The following PIAS1 variants were observed in gnomAD, a reference collection of about 807,000 sequenced individuals.
PIAS1 encodes E3 SUMO-protein ligase PIAS1.
PIAS1 carries 6 observed loss-of-function variants against 71.3 expected under a neutral mutation model. That is an observed-to-expected ratio of 0.08 (90% CI 0.05 to 0.17). The LOEUF (loss-of-function observed/expected upper bound fraction) is 0.17, where lower values mean the gene tolerates loss of function less well. Among genes scored for constraint, PIAS1 ranks in the 10% least tolerant of loss-of-function variants. The pLI, the probability that PIAS1 is intolerant of heterozygous loss-of-function variation, is 1.00. For missense variants in PIAS1, 555 were observed against 793.6 expected (o/e 0.70, Z 3.61); for synonymous variants, 303 against 292.9 (o/e 1.03, Z -0.35).
At chr15:68,115,950 T>C (rs1157903138) in intron 2 of PIAS1, among the ~76,000 whole-genome samples, 2 of 152,130 alleles carry the variant, frequency 1.3e-5, no homozygotes, top group Non-Finnish European at 2.9e-5. Context: ...ATTAAGAGTG[T>C]TTGCATTTAT....
chr15:68,183,994 T>C, intron 13 of PIAS1: 1 of 173,384 alleles, frequency 5.8e-6, no homozygotes, highest in East Asian at 1.7e-4. Flanking sequence ...TTTTAGAGTG[T>C]ACCTCTACTT....
In PIAS1 at chr15:68,066,831, CATA is replaced by C. The variant is rs1455089255; in HGVS notation, c.24+12484_24+12486del. ...TATAGTATTTTGTGTCTAATTGAAT[CATA>C]ATCAGGGAAAAGAACATGAATTTTA... On this transcript the variant is annotated intron_variant, in intron 1 of 13. Coordinates refer to ENST00000249636, the MANE Select transcript of PIAS1 (RefSeq NM_016166.3). Among the ~76,000 whole-genome samples, 3 of 152,184 alleles carry C rather than the reference CATA, an allele frequency of 2.0e-5. No homozygotes were observed. The East Asian group carries it at 5.8e-4, about 29-fold the overall frequency.
At chr15:68,058,601 A>G (rs1343931598) in intron 1 of PIAS1, among the ~76,000 whole-genome samples, 3 of 152,184 alleles carry the variant, frequency 2.0e-5, no homozygotes, top group African/African-American at 7.2e-5. Context: ...CCTTTTGGAA[A>G]AGCTCTATGC....
intron 2 of PIAS1, among the ~76,000 whole-genome samples, chr15:68,101,559 C>T (rs2092427017): frequency 6.6e-6 from 1 of 152,104 alleles, no homozygotes; most frequent in Non-Finnish European, 1.5e-5. Context: ...ATCTCAAATT[C>T]CTGGGCTCGA....
intron 2 of PIAS1, among the ~76,000 whole-genome samples, chr15:68,088,174 G>GTATATATATATATA (rs1193055165): frequency 7.2e-5 from 2 of 27,938 alleles, no homozygotes; most frequent in Non-Finnish European, 1.4e-4. Flanking sequence ...GATTATGTGT[G>GTATATATATATATA]TGTATATATA....
intron 2 of PIAS1, among the ~76,000 whole-genome samples, chr15:68,087,244 T>C (rs1435273336): frequency 6.6e-6 from 1 of 152,176 alleles, no homozygotes. Flanking sequence ...GAGAAGTGCA[T>C]GCTTTACAGG....
At chr15:68,073,499 G>A (rs545429501) in intron 1 of PIAS1, among the ~76,000 whole-genome samples, 16 of 152,242 alleles carry the variant, frequency 1.1e-4, no homozygotes, top group Admixed American at 9.2e-4. Flanking sequence ...GCATAAGAGC[G>A]GTAAACTGAG....
chr15:68,078,632 C>T (rs1375877527), intron 1 of PIAS1, among the ~76,000 whole-genome samples: 2 of 152,146 alleles, frequency 1.3e-5, no homozygotes, highest in Non-Finnish European at 2.9e-5. Context: ...TAGTTATGAA[C>T]TCTGGAATCA....
chr15:68,090,927 G>GGTGTGTGTGTGTGTGTGTGT (rs10667510), intron 2 of PIAS1, among the ~76,000 whole-genome samples: 3 of 142,856 alleles, frequency 2.1e-5, no homozygotes, highest in South Asian at 2.3e-4. Context: ...GTCATTTACG[G>GGTGTGTGTGTGTGTGTGTGT]GTGTGTGTGT....
At chr15:68,149,206 A>T (rs560568521) in intron 6 of PIAS1, among the ~76,000 whole-genome samples, 4 of 152,152 alleles carry the variant, frequency 2.6e-5, no homozygotes, top group Non-Finnish European at 5.9e-5. Context: ...CTGAATAGGC[A>T]GTGGGGCAGA....
intron 1 of PIAS1, chr15:68,055,126 A>G: frequency 3.7e-6 from 3 of 800,230 alleles, no homozygotes; most frequent in Non-Finnish European, 3.0e-6. Context: ...GGAGGGGGGG[A>G]TGCAGCTACC....
chr15:68,106,718 A>G (rs900529294), intron 2 of PIAS1, among the ~76,000 whole-genome samples: 4 of 152,266 alleles, frequency 2.6e-5, no homozygotes, highest in Non-Finnish European at 5.9e-5. Flanking sequence ...AATATTATCT[A>G]TAAAGCAGAA....
At chr15:68,074,804 T>TA (rs1013361427) in intron 1 of PIAS1, among the ~76,000 whole-genome samples, 4 of 151,954 alleles carry the variant, frequency 2.6e-5, no homozygotes, top group Admixed American at 2.6e-4. Context: ...TTTGTGCTTT[T>TA]AAAAAAATTG....
intron 6 of PIAS1, among the ~76,000 whole-genome samples, chr15:68,153,082 G>T (rs185883024): frequency 6.6e-6 from 1 of 151,470 alleles, no homozygotes. Context: ...CTACTTGAAG[G>T]CATAGAGAAA....
intron 2 of PIAS1, among the ~76,000 whole-genome samples, chr15:68,097,725 G>GC (rs1178649778): frequency 6.6e-6 from 1 of 152,148 alleles, no homozygotes; most frequent in African/African-American, 2.4e-5. Flanking sequence ...GAGCCACCGT[G>GC]CCCAGCCTGC....
intron 2 of PIAS1, among the ~76,000 whole-genome samples, chr15:68,132,520 C>T (rs1306783206): frequency 6.6e-6 from 1 of 151,718 alleles, no homozygotes; most frequent in Non-Finnish European, 1.5e-5. Context: ...TCAAATTTTA[C>T]AGCAAAGAAG....
At chr15:68,110,915 A>G (rs2141009559) in intron 2 of PIAS1, among the ~76,000 whole-genome samples, 1 of 152,236 alleles carries the variant, frequency 6.6e-6, no homozygotes, top group African/African-American at 2.4e-5. Flanking sequence ...TTACCTAAGA[A>G]AAGTTTATTG....
intron 7 of PIAS1, among the ~76,000 whole-genome samples, chr15:68,163,356 G>A (rs577906150): frequency 1.3e-5 from 2 of 152,154 alleles, no homozygotes; most frequent in East Asian, 3.9e-4. Flanking sequence ...TGCCTTTTTT[G>A]TGTGTCAGGA....
chr15:68,138,533 G>C (rs2092749271), intron 2 of PIAS1, among the ~76,000 whole-genome samples: 1 of 152,188 alleles, frequency 6.6e-6, no homozygotes. Flanking sequence ...GGAGTGCAGT[G>C]CGGCGATCTC....
Sources: gnomAD v4.1 joint callset for allele counts (sites outside exome capture counted in the v4.1 genomes callset) on GRCh38, gnomAD v4.1.1 for gene constraint, MANE v1.5 for transcripts, NCBI Gene and HGNC (gene_info 2026-07-23, HGNC 2026-07-21) for gene names.